Variants in CHRM3 observed in about 807,000 individuals in gnomAD.
The protein encoded by CHRM3 is cholinergic receptor muscarinic 3, also known as muscarinic acetylcholine receptor M3.
A neutral mutation model predicts 41.8 loss-of-function variants in CHRM3; 11 were observed. The ratio of observed to expected loss-of-function variants is 0.26; its 90% CI spans 0.17 to 0.44. The LOEUF is 0.44. Ranked by LOEUF, CHRM3 falls within the 20% of genes least tolerant of loss-of-function variation. The pLI, the probability that CHRM3 is intolerant of heterozygous loss-of-function variation, is 1.00. For synonymous variants in CHRM3, 297 were observed against 301.4 expected, an observed-to-expected ratio of 0.99 and a Z score of 0.15; for missense variants, 571 against 745.4, an observed-to-expected ratio of 0.77 and a Z score of 2.72.
At chr1:239,638,629 A>T (rs1003729126) in intron 4 of CHRM3, among the ~76,000 whole-genome samples, 2 of 151,988 alleles carry the variant, frequency 1.3e-5, no homozygotes, top group Admixed American at 6.5e-5. Flanking sequence ...TTTCTTGTAA[A>T]TTGGTTTGAG....
chr1:239,444,355 A>G (rs927309050), intron 1 of CHRM3, among the ~76,000 whole-genome samples: 3 of 152,228 alleles, frequency 2.0e-5, no homozygotes, highest in Non-Finnish European at 4.4e-5. Context: ...TAAACAACAC[A>G]TTTTACAATA....
At chr1:239,426,483 AAAG>A (rs1427165625) in intron 1 of CHRM3, among the ~76,000 whole-genome samples, 1 of 148,940 alleles carries the variant, frequency 6.7e-6, no homozygotes, top group Non-Finnish European at 1.5e-5. Context: ...AAAAAAAAAA[AAAG>A]AAAGAAAAAA....
At chr1:239,766,718 T>TAGATATAGATATA (rs1256375163) in intron 5 of CHRM3, among the ~76,000 whole-genome samples, 1 of 140,138 alleles carries the variant, frequency 7.1e-6, no homozygotes, top group Non-Finnish European at 1.6e-5. Context: ...GATATAGATA[T>TAGATATAGATATA]AATTTTTCTT....
intron 5 of CHRM3, among the ~76,000 whole-genome samples, chr1:239,688,546 T>C (rs1659382724): frequency 7.2e-6 from 1 of 138,108 alleles, no homozygotes; most frequent in Non-Finnish European, 1.5e-5. Context: ...TATTCCCATT[T>C]ATTTATATAA....
At chr1:239,732,288 C>T (rs1006832969) in intron 5 of CHRM3, among the ~76,000 whole-genome samples, 3 of 139,072 alleles carry the variant, frequency 2.2e-5, no homozygotes, top group African/African-American at 8.0e-5. Context: ...GATAAGTATA[C>T]CTAATATCTC....
intron 4 of CHRM3, among the ~76,000 whole-genome samples, chr1:239,654,619 G>A (rs1276092333): frequency 1.3e-5 from 2 of 152,046 alleles, no homozygotes; most frequent in African/African-American, 2.4e-5. Flanking sequence ...GGAAAGTCTC[G>A]AAATCCTGAC....
intron 5 of CHRM3, among the ~76,000 whole-genome samples, chr1:239,761,939 G>A (rs1666820315): frequency 6.6e-6 from 1 of 152,100 alleles, no homozygotes; most frequent in Non-Finnish European, 1.5e-5. Flanking sequence ...AAGAACCTGA[G>A]CTCTGTTTGA....
intron 6 of CHRM3, among the ~76,000 whole-genome samples, chr1:239,894,444 A>T (rs1355669684): frequency 6.6e-6 from 1 of 151,776 alleles, no homozygotes; most frequent in African/African-American, 2.4e-5. Context: ...ATTTATTTTT[A>T]TTTTTTGAGA....
At chr1:239,863,768 A>G (rs12096166) in intron 6 of CHRM3, among the ~76,000 whole-genome samples, 12,444 of 152,160 alleles carry the variant, frequency 0.082, 663 homozygotes, top group African/African-American at 0.16. Flanking sequence ...AGACAGTGGC[A>G]TAATTCTTTA....
intron 6 of CHRM3, among the ~76,000 whole-genome samples, chr1:239,842,194 A>G (rs958276097): frequency 1.1e-4 from 16 of 150,504 alleles, no homozygotes; most frequent in African/African-American, 3.9e-4. Context: ...TTTAAATTCC[A>G]TGTCCACATG....
intron 5 of CHRM3, among the ~76,000 whole-genome samples, chr1:239,782,682 ACTTTT>A (rs1668595035): frequency 6.6e-6 from 1 of 151,932 alleles, no homozygotes; most frequent in African/African-American, 2.4e-5. Flanking sequence ...CTCCTTTTCT[ACTTTT>A]CTAAGGTGGA....
intron 1 of CHRM3, among the ~76,000 whole-genome samples, chr1:239,389,332 T>C (rs890029402): frequency 1.3e-5 from 2 of 152,232 alleles, no homozygotes; most frequent in Admixed American, 6.5e-5. Context: ...AAATCTATGA[T>C]GAATATTCAG....
chr1:239,830,069 T>A (rs191316032), intron 6 of CHRM3, among the ~76,000 whole-genome samples: 1 of 151,138 alleles, frequency 6.6e-6, no homozygotes, highest in East Asian at 2.0e-4. Context: ...TAGGATGGAC[T>A]GTTTGTGAAA....
At chr1:239,886,560 C>G (rs1678089786) in intron 6 of CHRM3, 1 of 152,184 alleles carries the variant, frequency 6.6e-6, no homozygotes, top group African/African-American at 2.4e-5. Context: ...AACATCTGGT[C>G]AGAGGTTTTC....
At chr1:239,431,335 A>G (rs1017013440) in intron 1 of CHRM3, among the ~76,000 whole-genome samples, 8 of 152,126 alleles carry the variant, frequency 5.3e-5, no homozygotes, top group African/African-American at 1.9e-4. Flanking sequence ...ATTGTTTTTC[A>G]TTTGCAGGAA....
rs1180472195 is a variant in CHRM3, at chr1:239,748,352, ATTGACACTTCTTTT to A, written c.-147+70067_-147+70080del. ...TCTCTTACGATGCAGTCAGAATCTT[ATTGACACTTCTTTT>A]TTAACTCTCAGACTGATCAATTTCC... On this transcript the variant is annotated intron_variant, in intron 5 of 6. Coordinates refer to ENST00000676153, the MANE Select transcript of CHRM3 (RefSeq NM_001375978.1). This position sits in a 1 kb window ranked among gnomAD's most constrained non-coding sequence, Gnocchi z 4.3. Among the ~76,000 whole-genome samples, 1 of 152,134 alleles carries A rather than the reference ATTGACACTTCTTTT, an allele frequency of 6.6e-6. No individual in the cohort carries two copies. Among genetic ancestry groups the A allele is most frequent in the African/African-American group, 2.4e-5 (1 of 41,410 alleles).
chr1:239,446,402 G>A (rs1664158508), intron 1 of CHRM3, among the ~76,000 whole-genome samples: 1 of 152,138 alleles, frequency 6.6e-6, no homozygotes, highest in Non-Finnish European at 1.5e-5. Flanking sequence ...AAAGTTTTTA[G>A]TAGATAATGC....
At chr1:239,852,960 G>T (rs746676166) in intron 6 of CHRM3, among the ~76,000 whole-genome samples, 27 of 151,998 alleles carry the variant, frequency 1.8e-4, no homozygotes, top group Non-Finnish European at 3.2e-4. Context: ...AATACATTCT[G>T]TCATGAAAGT....
intron 2 of CHRM3, among the ~76,000 whole-genome samples, chr1:239,524,544 G>C (rs567229427): frequency 3.3e-5 from 5 of 152,084 alleles, no homozygotes; most frequent in African/African-American, 1.2e-4. Context: ...AAGAAAATTG[G>C]TATTGTAGAG....
Sources: gnomAD v4.1 joint callset for allele counts (sites outside exome capture counted in the v4.1 genomes callset) on GRCh38, gnomAD v4.1.1 for gene constraint, Gnocchi (gnomAD v3.1) non-coding constraint, MANE v1.5 for transcripts, NCBI Gene and HGNC (gene_info 2026-07-23, HGNC 2026-07-21) for gene names.